MAPKAP1: variants seen among roughly 807,000 people sequenced by gnomAD.
MAPKAP1 encodes target of rapamycin complex 2 subunit MAPKAP1.
MAPKAP1 carries 20 observed loss-of-function variants against 65.7 expected under a neutral mutation model. The observed-to-expected ratio is 0.30, with a 90% CI of 0.21 to 0.44. The LOEUF (loss-of-function observed/expected upper bound fraction) is 0.44. MAPKAP1 is among the 20% of genes least tolerant of loss of function. The probability of loss-of-function intolerance (pLI) is 1.00; values close to 1 mark genes in which losing one functional copy is unlikely to be tolerated. For synonymous variants in MAPKAP1, 222 were observed against 244.3 expected (o/e 0.91, Z 0.85); for missense variants, 423 against 648.0 (o/e 0.65, Z 3.77).
At chr9:125,661,530 A>G (rs1834185112) in intron 3 of MAPKAP1, among the ~76,000 whole-genome samples, 1 of 152,196 alleles carries the variant, frequency 6.6e-6, no homozygotes, top group Non-Finnish European at 1.5e-5. Flanking sequence ...AAATCCTCGG[A>G]ATATATTACT....
intron 6 of MAPKAP1, among the ~76,000 whole-genome samples, chr9:125,549,472 T>C (rs1293151973): frequency 6.6e-6 from 1 of 152,244 alleles, no homozygotes; most frequent in East Asian, 1.9e-4. Context: ...CATAAAGAGT[T>C]TACACTAGTG....
chr9:125,476,435 C>G (rs1355059896), intron 9 of MAPKAP1, among the ~76,000 whole-genome samples: 1 of 152,088 alleles, frequency 6.6e-6, no homozygotes, highest in African/African-American at 2.4e-5. Flanking sequence ...GAGAGGGGCA[C>G]CTCCTTAGTG....
At chr9:125,467,443 A>T (rs1672817573) in intron 10 of MAPKAP1, among the ~76,000 whole-genome samples, 1 of 152,220 alleles carries the variant, frequency 6.6e-6, no homozygotes, top group African/African-American at 2.4e-5. Context: ...CTTCTGTAGG[A>T]CCAGGCAAGA....
Position 125,601,568 on chromosome 9 carries a change from C to A in MAPKAP1, c.499-15841G>T, listed in dbSNP as rs377266040. ...TAAAAATCTCTTAAAATTAATCTTT[C>A]ATGCACATCCAGCTTATCCAAAGTT... On this transcript the variant is annotated intron_variant, in intron 4 of 11. Coordinates refer to ENST00000265960, the MANE Select transcript of MAPKAP1 (RefSeq NM_001006617.3). Among the ~76,000 whole-genome samples, 32 of 152,304 alleles carry A rather than the reference C, an allele frequency of 2.1e-4. No homozygotes were observed. In the East Asian group the frequency reaches 3.1e-3, roughly 15 times the overall value.
At chr9:125,496,671 G>A (rs139703872) in intron 8 of MAPKAP1, among the ~76,000 whole-genome samples, 29 of 152,266 alleles carry the variant, frequency 1.9e-4, no homozygotes, top group Admixed American at 1.5e-3. Context: ...CACAAAGAGG[G>A]TCGGAAGCAC....
chr9:125,508,430 T>C (rs1486174539), intron 7 of MAPKAP1, among the ~76,000 whole-genome samples: 1 of 152,196 alleles, frequency 6.6e-6, no homozygotes, highest in Non-Finnish European at 1.5e-5. Context: ...TCTAAGATAA[T>C]GGCCTATTAA....
intron 5 of MAPKAP1, 64 bp from the exon 6 acceptor site, chr9:125,559,873 GT>G: frequency 2.6e-6 from 4 of 1,510,648 alleles, no homozygotes; most frequent in Non-Finnish European, 3.6e-6. Flanking sequence ...AGACCAGAGG[GT>G]ATGGTGCACA....
At chr9:125,693,794 C>T (rs1351859339) in intron 1 of MAPKAP1, among the ~76,000 whole-genome samples, 7 of 148,054 alleles carry the variant, frequency 4.7e-5, no homozygotes, top group African/African-American at 1.8e-4. Flanking sequence ...TATATATATA[C>T]ACACATATAT....
chr9:125,706,827 C>T, intron 1 of MAPKAP1, 144 bp downstream of exon 1: 1 of 307,810 alleles, frequency 3.2e-6, no homozygotes, highest in Non-Finnish European at 5.9e-6. Flanking sequence ...GGCCAGGAAA[C>T]GAACGCGCCC....
At chr9:125,457,870 A>G (rs1172807247) in intron 10 of MAPKAP1, among the ~76,000 whole-genome samples, 1 of 152,252 alleles carries the variant, frequency 6.6e-6, no homozygotes, top group Non-Finnish European at 1.5e-5. Context: ...AGTTTAGTAT[A>G]CAGTGAAAGA....
At chr9:125,601,604 T>C (rs1221924111) in intron 4 of MAPKAP1, among the ~76,000 whole-genome samples, 1 of 152,222 alleles carries the variant, frequency 6.6e-6, no homozygotes, top group Non-Finnish European at 1.5e-5. Flanking sequence ...AGAATTTAAT[T>C]AGATGGCCTT....
At chr9:125,664,366 T>A (rs950558099) in intron 3 of MAPKAP1, among the ~76,000 whole-genome samples, 8 of 148,170 alleles carry the variant, frequency 5.4e-5, no homozygotes, top group African/African-American at 1.7e-4. Flanking sequence ...TAAAAAAAAA[T>A]AAAAATAAAA....
chr9:125,440,159 C>T (rs1278241001), intron 11 of MAPKAP1, among the ~76,000 whole-genome samples: 2 of 152,106 alleles, frequency 1.3e-5, no homozygotes, highest in Non-Finnish European at 2.9e-5. Context: ...TGGGCATGGG[C>T]GGCAGCAGCA....
At chr9:125,542,045 C>G (rs1262123842) in intron 7 of MAPKAP1, among the ~76,000 whole-genome samples, 2 of 152,156 alleles carry the variant, frequency 1.3e-5, no homozygotes, top group African/African-American at 4.8e-5. Flanking sequence ...TACAACCGCC[C>G]CTACCAGCAT....
Position 125,447,584 on chromosome 9 carries a change from G to C in MAPKAP1, c.1346-2986C>G, listed in dbSNP as rs149078647. On this transcript the variant is annotated intron_variant, in intron 10 of 11. Transcript: ENST00000265960. This position sits in a 1 kb window ranked among gnomAD's most constrained non-coding sequence, Gnocchi z 4.5. ...GGCGTTTCTGCCCCGAGTTCCCCTC[G>C]CTAGCAGCCCTGTTTCGCTGGGCGG... is the stretch of plus-strand genomic sequence containing the variant. 2.3e-6 allele frequency: 1 copy of C among 433,874 alleles called. No individual in the cohort carries two copies. Among genetic ancestry groups the C allele is most frequent in the African/African-American group, 2.0e-5 (1 of 49,316 alleles). 26.9% of individuals were successfully genotyped at this position (433,874 alleles called of 1,614,324 possible). A position where few individuals can be genotyped will look rare whatever the true frequency, so the allele number is the denominator to read the frequency against.
chr9:125,679,040 C>A (rs531397367), intron 1 of MAPKAP1, among the ~76,000 whole-genome samples: 1 of 150,932 alleles, frequency 6.6e-6, no homozygotes, highest in African/African-American at 2.4e-5. Context: ...CTCGCACTGT[C>A]GTCCAGGCTG....
chr9:125,516,384 A>G lies in MAPKAP1; in HGVS notation c.959-9967T>C, dbSNP rs762385155. On this transcript the variant is annotated intron_variant, in intron 7 of 11. Coordinates refer to ENST00000265960, the MANE Select transcript of MAPKAP1 (RefSeq NM_001006617.3). ...AGACTGGAAGAGGCCTAATTTTTAGAGCATGTTAAGGACACCAGACACATA... is the reference window on the plus strand; with the variant it reads ...AGACTGGAAGAGGCCTAATTTTTAGGGCATGTTAAGGACACCAGACACATA... Among the ~76,000 whole-genome samples, 4 of 152,364 alleles carry G rather than the reference A, an allele frequency of 2.6e-5. No homozygotes were observed. In the South Asian group the frequency reaches 8.3e-4, roughly 32 times the overall value.
chr9:125,618,037 A>G (rs897871349), intron 4 of MAPKAP1, among the ~76,000 whole-genome samples: 9 of 152,272 alleles, frequency 5.9e-5, no homozygotes, highest in Admixed American at 3.9e-4. Context: ...GAGAAGCTTC[A>G]TAACTTTTCC....
rs1475726408 is a variant in MAPKAP1 at position 125,706,959 on chromosome 9, G to A, written c.-70+12C>T. On this transcript the variant is annotated intron_variant, in intron 1 of 11. Transcript: ENST00000265960. ...GGACGGGCGGGGAGCTGGCGGCTGGGGCAACCTTTACCTGAAGCTGCTTCC... is the reference window on the plus strand; with the variant it reads ...GGACGGGCGGGGAGCTGGCGGCTGGAGCAACCTTTACCTGAAGCTGCTTCC... 1 of 394,342 alleles carries A rather than the reference G, an allele frequency of 2.5e-6. No homozygotes were observed. The highest frequency in any genetic ancestry group is 3.6e-5 in the East Asian group (1 of 27,878). 24.4% of individuals were successfully genotyped at this position (394,342 alleles called of 1,614,324 possible).
Sources: allele counts gnomAD v4.1 joint callset (sites outside exome capture counted in the v4.1 genomes callset), GRCh38; gene constraint gnomAD v4.1.1; non-coding constraint Gnocchi (gnomAD v3.1); transcripts MANE v1.5; gene names NCBI Gene and HGNC (gene_info 2026-07-23, HGNC 2026-07-21).